CLEC2A: variants seen among roughly 807,000 people sequenced by gnomAD.
The protein encoded by CLEC2A is C-type lectin domain family 2 member A.
CLEC2A carries 19 observed loss-of-function variants against 18.6 expected under a neutral mutation model. That is an observed-to-expected ratio of 1.02 (90% CI 0.71 to 1.50). The LOEUF (loss-of-function observed/expected upper bound fraction) is 1.50. Ranked by LOEUF, CLEC2A falls within the 40% of genes most tolerant of loss-of-function variation. The probability of loss-of-function intolerance (pLI) is 0.00; values close to 1 mark genes in which losing one functional copy is unlikely to be tolerated. For synonymous variants in CLEC2A, 74 were observed against 64.0 expected (o/e 1.16, Z -0.75); for missense variants, 190 against 207.9 (o/e 0.91, Z 0.53).
chr12:9,892,580 CTTT>C, the CLEC2A span, among the ~76,000 whole-genome samples: 1 of 104,824 alleles, frequency 9.5e-6, no homozygotes, highest in Non-Finnish European at 1.8e-5. Flanking sequence ...TACAGAACTG[CTTT>C]TTTTTTTTTT....
chr12:9,894,348 A>AT (rs1233970740), downstream of CLEC2A, among the ~76,000 whole-genome samples: 1 of 151,640 alleles, frequency 6.6e-6, no homozygotes, highest in Non-Finnish European at 1.5e-5. Flanking sequence ...CACCTGGCTA[A>AT]TTTTTTGTAT....
intron 2 of CLEC2A, among the ~76,000 whole-genome samples, chr12:9,924,698 G>A (rs1326809504): frequency 6.6e-6 from 1 of 152,022 alleles, no homozygotes; most frequent in Admixed American, 6.6e-5. Context: ...CTTGCAAAAG[G>A]TCACATATGC....
At chr12:9,890,736 A>T in the CLEC2A span, among the ~76,000 whole-genome samples, 1 of 152,230 alleles carries the variant, frequency 6.6e-6, no homozygotes, top group Non-Finnish European at 1.5e-5. Context: ...AAATCCCGTC[A>T]TCTTGCTGTC....
rs367791196 is a variant in CLEC2A at position 9,918,800 on chromosome 12, A to T, written c.307-1997T>A. ...TTTGAGTTACTGGAGTTCTTGCATT[A>T]ATTCTGTCTCATCTCTGCAGTGGGT... On this transcript the variant is annotated intron_variant, in intron 3 of 4. Coordinates refer to ENST00000455827, the MANE Select transcript of CLEC2A (RefSeq NM_001130711.2). Among the ~76,000 whole-genome samples the T allele has an allele frequency of 4.6e-5, 7 of 152,148 alleles. No individual in the cohort carries two copies. The East Asian group carries it at 5.8e-4, about 13-fold the overall frequency.
At chr12:9,879,996 G>A in the CLEC2A span, among the ~76,000 whole-genome samples, 1 of 152,194 alleles carries the variant, frequency 6.6e-6, no homozygotes, top group Non-Finnish European at 1.5e-5. Flanking sequence ...GGATGGAAAA[G>A]AGGGTTCTGT....
At position 9,906,450 on chromosome 12, in the gene CLEC2A, G is replaced by A. The variant is rs1565528167; in HGVS notation, c.411-7474C>T. Among the ~76,000 whole-genome samples the A allele has an allele frequency of 2.6e-5, 4 of 152,310 alleles. No homozygotes were observed. The South Asian group carries it at 8.3e-4, about 32-fold the overall frequency. On this transcript the variant is annotated intron_variant, in intron 4 of 4. Coordinates refer to the CLEC2A transcript ENST00000339766. ...ACAATAGCTATCTCTTTGGGTAACTGGAGAGTATTTAGTACTTGGGTGATT... is the reference window on the plus strand; with the variant it reads ...ACAATAGCTATCTCTTTGGGTAACTAGAGAGTATTTAGTACTTGGGTGATT...
At chr12:9,906,283 G>C (rs142468628) in intron 4 of CLEC2A, among the ~76,000 whole-genome samples, 114 of 152,218 alleles carry the variant, frequency 7.5e-4, no homozygotes, top group African/African-American at 1.9e-3. Context: ...AGATAATGGG[G>C]ACTGCAATAG....
the CLEC2A span, among the ~76,000 whole-genome samples, chr12:9,887,590 G>T: frequency 6.6e-6 from 1 of 152,166 alleles, no homozygotes; most frequent in Non-Finnish European, 1.5e-5. Flanking sequence ...GCTAGCCCAA[G>T]AATATAATTA....
chr12:9,931,524 T>C (rs183531537), intron 1 of CLEC2A, among the ~76,000 whole-genome samples: 51 of 152,270 alleles, frequency 3.3e-4, no homozygotes, highest in African/African-American at 1.0e-3. Context: ...AGATGAAAAG[T>C]TTTACTAGGT....
the CLEC2A span, among the ~76,000 whole-genome samples, chr12:9,889,959 T>C: frequency 1.3e-5 from 2 of 152,120 alleles, no homozygotes; most frequent in Non-Finnish European, 2.9e-5. Flanking sequence ...TATACTTAAA[T>C]TTTTATTACA....
At chr12:9,882,207 T>C in the CLEC2A span, among the ~76,000 whole-genome samples, 2 of 152,090 alleles carry the variant, frequency 1.3e-5, no homozygotes, top group South Asian at 2.1e-4. Context: ...CTTGTTGAAA[T>C]AGCCAAGACC....
chr12:9,885,725 T>C, the CLEC2A span, among the ~76,000 whole-genome samples: 4 of 152,006 alleles, frequency 2.6e-5, no homozygotes, highest in Non-Finnish European at 5.9e-5. Flanking sequence ...CAAAGATATA[T>C]CCTACTTAAT....
the CLEC2A span, among the ~76,000 whole-genome samples, chr12:9,885,333 GTATA>G: frequency 1.3e-4 from 19 of 149,144 alleles, no homozygotes; most frequent in Admixed American, 6.7e-4. Flanking sequence ...CATTATTTAA[GTATA>G]TATATATATA....
chr12:9,880,425 G>T, the CLEC2A span, among the ~76,000 whole-genome samples: 1 of 152,130 alleles, frequency 6.6e-6, no homozygotes, highest in Admixed American at 6.5e-5. Flanking sequence ...CACAACATGT[G>T]CTGTGGGAAA....
At chr12:9,898,309 C>T (rs1318753771), downstream of CLEC2A, among the ~76,000 whole-genome samples, 3 of 152,208 alleles carry the variant, frequency 2.0e-5, no homozygotes, top group Admixed American at 6.5e-5. Flanking sequence ...GATCCTTCCT[C>T]GGGAAACTGA....
chr12:9,906,657 A>G (rs186249147), intron 4 of CLEC2A, among the ~76,000 whole-genome samples: 3 of 152,336 alleles, frequency 2.0e-5, no homozygotes, highest in African/African-American at 7.2e-5. Context: ...TGGGCAGACC[A>G]ATTATTAGCC....
intron 4 of CLEC2A, among the ~76,000 whole-genome samples, chr12:9,899,729 G>T (rs1266694748): frequency 6.6e-6 from 1 of 152,156 alleles, no homozygotes; most frequent in African/African-American, 2.4e-5. Flanking sequence ...AGTAGCCTTG[G>T]AGTTCCCTAG....
rs368400669 is a variant in CLEC2A, at chr12:9,916,711, T to C, written c.399A>G (p.Thr133=). 21 of 1,542,378 alleles carry C rather than the reference T, an allele frequency of 1.4e-5. No individual in the cohort carries two copies. Among genetic ancestry groups the C allele is most frequent in the Non-Finnish European group, 1.8e-5 (21 of 1,138,550 alleles). The change falls in exon 4 of 5, where the codon ACA becomes ACG. Residue 133 remains threonine, a synonymous_variant. Transcript: ENST00000455827. ...GDSWKWTNGT[T]FNGWFEIIGN... Reference sequence around the variant, plus strand: ...CATTGGAAACTCACCAACCATTGAATGTGGTGCCATTTGTCCATTTCCAAG... The same window carrying C: ...CATTGGAAACTCACCAACCATTGAACGTGGTGCCATTTGTCCATTTCCAAG...
the CLEC2A span, among the ~76,000 whole-genome samples, chr12:9,879,738 A>G: frequency 6.6e-6 from 1 of 152,198 alleles, no homozygotes; most frequent in Non-Finnish European, 1.5e-5. Flanking sequence ...CCTACTACAT[A>G]TTTTTATAAG....
Sources: allele counts gnomAD v4.1 joint callset (sites outside exome capture counted in the v4.1 genomes callset), GRCh38; gene constraint gnomAD v4.1.1; transcripts MANE v1.5; gene names NCBI Gene and HGNC (gene_info 2026-07-23, HGNC 2026-07-21).